Variants in SEMA3C observed in about 807,000 individuals in gnomAD.
SEMA3C encodes semaphorin-3C.
Under a neutral mutation model 89.4 loss-of-function variants are expected in SEMA3C, and 47 were observed. The observed-to-expected ratio is 0.53, with a 90% CI of 0.42 to 0.67. The LOEUF is 0.67. Among genes scored for constraint, SEMA3C ranks in the 30% least tolerant of loss-of-function variants. The pLI is 0.00. For synonymous variants in SEMA3C, 310 were observed against 320.2 expected, an observed-to-expected ratio of 0.97 and a Z score of 0.34; for missense variants, 839 against 929.1, an observed-to-expected ratio of 0.90 and a Z score of 1.26.
At chr7:80,810,798 CT>C in intron 5 of SEMA3C, 97 bp from the exon 6 acceptor site, 1 of 922,158 alleles carries the variant, frequency 1.1e-6, no homozygotes, top group Non-Finnish European at 1.7e-6. Context: ...AATTAATATG[CT>C]TTCTAGTTGG....
chr7:80,804,798 ATC>A (rs958080658), intron 7 of SEMA3C, among the ~76,000 whole-genome samples: 5 of 152,162 alleles, frequency 3.3e-5, no homozygotes, highest in African/African-American at 1.2e-4. Flanking sequence ...TGGAGGAATA[ATC>A]TGAATAAGTA....
At chr7:80,856,449 G>T (rs551512607) in intron 2 of SEMA3C, among the ~76,000 whole-genome samples, 1 of 150,874 alleles carries the variant, frequency 6.6e-6, no homozygotes, top group Non-Finnish European at 1.5e-5. Context: ...GAGAAAGGCT[G>T]GCACTGCCAT....
chr7:80,853,458 C>T (rs550844449), intron 2 of SEMA3C, among the ~76,000 whole-genome samples: 3 of 152,184 alleles, frequency 2.0e-5, no homozygotes, highest in Admixed American at 1.3e-4. Flanking sequence ...GCGATCCTGT[C>T]ATTTGCACAA....
chr7:80,888,749 ATAT>A (rs1313202330), intron 2 of SEMA3C, among the ~76,000 whole-genome samples: 3 of 152,200 alleles, frequency 2.0e-5, no homozygotes, highest in African/African-American at 7.2e-5. Context: ...GACATTTAAA[ATAT>A]TATAACCACA....
chr7:80,777,998 A>T (rs1788590379), intron 12 of SEMA3C, among the ~76,000 whole-genome samples: 1 of 152,152 alleles, frequency 6.6e-6, no homozygotes, highest in African/African-American at 2.4e-5. Context: ...TGCTATATCT[A>T]ATGTGTCAAA....
intron 2 of SEMA3C, among the ~76,000 whole-genome samples, chr7:80,872,923 GAAAAAAA>G (rs758696880): frequency 3.8e-5 from 3 of 79,642 alleles, no homozygotes; most frequent in Non-Finnish European, 5.4e-5. Context: ...GAATGAGAGT[GAAAAAAA>G]AAAAAAAAAA....
chr7:80,845,611 T>A (rs1292653737), intron 2 of SEMA3C, among the ~76,000 whole-genome samples: 1 of 152,166 alleles, frequency 6.6e-6, no homozygotes, highest in Admixed American at 6.5e-5. Flanking sequence ...TCATTTTCTC[T>A]CCATTTCTAT....
chr7:80,849,848 T>C (rs1402925521), intron 2 of SEMA3C, among the ~76,000 whole-genome samples: 1 of 152,134 alleles, frequency 6.6e-6, no homozygotes, highest in African/African-American at 2.4e-5. Context: ...ACTACCATTA[T>C]ATGGTGAAAA....
chr7:80,900,688 G>C (rs1360676538), intron 2 of SEMA3C, among the ~76,000 whole-genome samples: 1 of 152,126 alleles, frequency 6.6e-6, no homozygotes, highest in Non-Finnish European at 1.5e-5. Context: ...GGAATCAATT[G>C]TTTCCATTTT....
chr7:80,774,253 A>T (rs745738192), intron 12 of SEMA3C, among the ~76,000 whole-genome samples: 1 of 152,206 alleles, frequency 6.6e-6, no homozygotes, highest in Non-Finnish European at 1.5e-5. Flanking sequence ...GGAAGAAAAC[A>T]GAACTCAAGC....
chr7:80,773,185 C>G (rs1211419754), intron 12 of SEMA3C, among the ~76,000 whole-genome samples: 3 of 151,900 alleles, frequency 2.0e-5, no homozygotes, highest in Non-Finnish European at 4.4e-5. Flanking sequence ...AACACATTTT[C>G]TACCACTATA....
chr7:80,819,984 AC>A (rs1335028456), intron 4 of SEMA3C, among the ~76,000 whole-genome samples: 1 of 150,872 alleles, frequency 6.6e-6, no homozygotes, highest in African/African-American at 2.4e-5. Context: ...TCAAAAGTTA[AC>A]AGTAATTTTT....
At chr7:80,868,051 T>A (rs1371973215) in intron 2 of SEMA3C, among the ~76,000 whole-genome samples, 1 of 152,194 alleles carries the variant, frequency 6.6e-6, no homozygotes, top group Non-Finnish European at 1.5e-5. Flanking sequence ...AATTTAAAAG[T>A]ATTGACAACA....
At chr7:80,820,732 AGAT>A (rs1358529047) in intron 4 of SEMA3C, among the ~76,000 whole-genome samples, 3 of 152,296 alleles carry the variant, frequency 2.0e-5, no homozygotes, top group Non-Finnish European at 2.9e-5. Flanking sequence ...ACATAACTAC[AGAT>A]GATAACATGT....
chr7:80,904,322 T>C (rs539637631), intron 2 of SEMA3C, among the ~76,000 whole-genome samples: 1 of 152,328 alleles, frequency 6.6e-6, no homozygotes, highest in Non-Finnish European at 1.5e-5. Flanking sequence ...ATTACAGGCA[T>C]GAGCCGTCAC....
At chr7:80,805,570 G>A in intron 7 of SEMA3C, 69 bp downstream of exon 7, 1 of 1,357,160 alleles carries the variant, frequency 7.4e-7, no homozygotes, top group Non-Finnish European at 1.0e-6. Flanking sequence ...TTCCCTAGTT[G>A]TTAGGATAGA....
At chr7:80,863,435 G>A (rs545150509) in intron 2 of SEMA3C, among the ~76,000 whole-genome samples, 28 of 151,712 alleles carry the variant, frequency 1.8e-4, no homozygotes, top group Admixed American at 1.6e-3. Flanking sequence ...CAGCCGCTAT[G>A]GAAAACAGTG....
At chr7:80,761,788 T>C (rs1788188917) in intron 13 of SEMA3C, 131 bp from the exon 14 acceptor site, 2 of 540,022 alleles carry the variant, frequency 3.7e-6, no homozygotes. Context: ...TTAAAATTAC[T>C]TGTTATATAA....
chr7:80,844,700 A>G (rs1001786443), intron 2 of SEMA3C, among the ~76,000 whole-genome samples: 1 of 152,178 alleles, frequency 6.6e-6, no homozygotes, highest in Non-Finnish European at 1.5e-5. Flanking sequence ...TCTCAAGGTC[A>G]CACAAGTAAA....
Sources: gnomAD v4.1 joint callset for allele counts (sites outside exome capture counted in the v4.1 genomes callset) on GRCh38, gnomAD v4.1.1 for gene constraint, MANE v1.5 for transcripts, NCBI Gene and HGNC (gene_info 2026-07-23, HGNC 2026-07-21) for gene names.